The following XKR4 variants were observed in gnomAD, a reference collection of about 807,000 sequenced individuals.
XKR4 encodes the protein XK related 4, also known as XK-related protein 4.
Under a neutral mutation model 53.9 loss-of-function variants are expected in XKR4, and 12 were observed. That is an observed-to-expected ratio of 0.22 (90% CI 0.14 to 0.36). XKR4 has a LOEUF of 0.36. XKR4 is among the 10% of genes least tolerant of loss of function. The probability of loss-of-function intolerance (pLI) is 1.00; values close to 1 mark genes in which losing one functional copy is unlikely to be tolerated. For synonymous variants in XKR4, 354 were observed against 362.4 expected (o/e 0.98, Z 0.26); for missense variants, 799 against 859.5 (o/e 0.93, Z 0.88).
intron 2 of XKR4, chr8:55,454,445 C>T (rs1420366190): frequency 3.4e-6 from 4 of 1,192,110 alleles, no homozygotes; most frequent in East Asian, 5.1e-5. Flanking sequence ...CTGGTAGCTC[C>T]GGGACAGGAA....
intron 2 of XKR4, among the ~76,000 whole-genome samples, chr8:55,395,177 GAAGGA>G (rs1042929840): frequency 5.3e-5 from 8 of 152,108 alleles, no homozygotes; most frequent in Non-Finnish European, 8.8e-5. Flanking sequence ...GATTTTGGGA[GAAGGA>G]AAGGAAAGTT....
intron 1 of XKR4, among the ~76,000 whole-genome samples, chr8:55,217,135 G>A (rs1414395120): frequency 2.6e-5 from 4 of 151,082 alleles, no homozygotes; most frequent in Non-Finnish European, 4.4e-5. Flanking sequence ...CCAGCTACTC[G>A]GGAGGCTGAG....
rs1804908501 is a variant in XKR4 at position 55,420,382 on chromosome 8, A to C, written c.1006+62505A>C. Among the ~76,000 whole-genome samples, 5 of 152,166 alleles carry C rather than the reference A, an allele frequency of 3.3e-5. No individual in the cohort carries two copies. In the South Asian group the frequency reaches 1.0e-3, roughly 32 times the overall value. ...TTCACAATAGCAAAGACTTGGAACC[A>C]ACCCAAATGTCCAACAATGATAGAA... On this transcript the variant is annotated intron_variant, in intron 2 of 2. Transcript: ENST00000327381.
At chr8:55,416,811 C>T (rs1054578215) in intron 2 of XKR4, among the ~76,000 whole-genome samples, 15 of 152,162 alleles carry the variant, frequency 9.9e-5, no homozygotes, top group African/African-American at 2.9e-4. Flanking sequence ...GAATTTAAGC[C>T]GTATGCCCAA....
At chr8:55,375,555 C>G (rs1428525836) in intron 2 of XKR4, among the ~76,000 whole-genome samples, 2 of 152,174 alleles carry the variant, frequency 1.3e-5, no homozygotes, top group Non-Finnish European at 2.9e-5. Flanking sequence ...TGTCCTCTCA[C>G]CCAGGCTGCC....
intron 1 of XKR4, among the ~76,000 whole-genome samples, chr8:55,108,024 A>G (rs926355198): frequency 1.3e-5 from 2 of 152,216 alleles, no homozygotes; most frequent in Non-Finnish European, 2.9e-5. Context: ...GACCATCTCA[A>G]TAGAAGAAAA....
intron 1 of XKR4, among the ~76,000 whole-genome samples, chr8:55,274,997 T>C (rs1360160526): frequency 1.3e-5 from 2 of 152,202 alleles, no homozygotes; most frequent in African/African-American, 2.4e-5. Context: ...TCTTATTTCC[T>C]AGGAAAATAT....
intron 1 of XKR4, among the ~76,000 whole-genome samples, chr8:55,299,126 GTTTA>G (rs1459782451): frequency 2.0e-5 from 3 of 152,120 alleles, no homozygotes; most frequent in Non-Finnish European, 1.5e-5. Context: ...TCTGGAATAG[GTTTA>G]TTTCTCTTTC....
Position 55,534,141 on chromosome 8 carries a change from T to C in XKR4, c.*9914T>C, listed in dbSNP as rs749696766. ...ATTTCATTTCTTGAGACTACCATTG[T>C]CAGCATTGTAATAACCAATTTATAA... On this transcript the variant is annotated 3_prime_UTR_variant, in exon 3 of 3. Coordinates refer to ENST00000327381, the MANE Select transcript of XKR4 (RefSeq NM_052898.2). 2 of 152,154 alleles carry C rather than the reference T, an allele frequency of 1.3e-5. No individual in the cohort carries two copies. The highest frequency in any genetic ancestry group is 2.9e-5 in the Non-Finnish European group (2 of 68,028). The allele number at this position is 152,154 out of a possible 1,614,324, so 9.4% of individuals were successfully genotyped here. A position where few individuals can be genotyped will look rare whatever the true frequency, so the allele number is the denominator to read the frequency against.
At chr8:55,173,855 A>T (rs1044252493) in intron 1 of XKR4, among the ~76,000 whole-genome samples, 1 of 152,212 alleles carries the variant, frequency 6.6e-6, no homozygotes, top group Admixed American at 6.5e-5. Flanking sequence ...ATAATCATTT[A>T]CACACTTAGT....
At chr8:55,411,534 G>A (rs1050077025) in intron 2 of XKR4, among the ~76,000 whole-genome samples, 3 of 152,228 alleles carry the variant, frequency 2.0e-5, no homozygotes, top group Non-Finnish European at 4.4e-5. Flanking sequence ...AGAATGATGT[G>A]AGGTTGGAAT....
rs751152509 is a variant in XKR4, at chr8:55,443,530, TAAAAAAAAAAAAA to T, written c.1007-79737_1007-79725del. Among the ~76,000 whole-genome samples, 146 of 74,010 alleles carry T rather than the reference TAAAAAAAAAAAAA, an allele frequency of 2.0e-3. 3 individuals carry two copies. Among genetic ancestry groups the T allele is most frequent in the African/African-American group, 5.1e-3 (82 of 15,950 alleles). 48.6% of individuals were successfully genotyped at this position (74,010 alleles called of 152,430 possible). On this transcript the variant is annotated intron_variant, in intron 2 of 2. Transcript: ENST00000327381. ...TTTGTAGATTTATAATCAGTTACAT[TAAAAAAAAAAAAA>T]AAAAAAAAAAAAACAGAAGGAGGGG...
At chr8:55,487,735 C>A (rs1444552499) in intron 2 of XKR4, among the ~76,000 whole-genome samples, 1 of 152,200 alleles carries the variant, frequency 6.6e-6, no homozygotes, top group Non-Finnish European at 1.5e-5. Flanking sequence ...TCCCAAAGTG[C>A]TGGGATTGAT....
At chr8:55,167,082 C>T (rs1358918515) in intron 1 of XKR4, among the ~76,000 whole-genome samples, 1 of 152,150 alleles carries the variant, frequency 6.6e-6, no homozygotes, top group Non-Finnish European at 1.5e-5. Context: ...AAGGTAGTAG[C>T]ATCAGCAGAT....
intron 2 of XKR4, chr8:55,454,376 A>C (rs1024970236): frequency 2.7e-6 from 4 of 1,494,672 alleles, no homozygotes; most frequent in Non-Finnish European, 3.7e-6. Context: ...CACATAGGTG[A>C]AGCTGTATCT....
chr8:55,483,333 A>G (rs932414998), intron 2 of XKR4, among the ~76,000 whole-genome samples: 1 of 152,232 alleles, frequency 6.6e-6, no homozygotes, highest in African/African-American at 2.4e-5. Flanking sequence ...TTAGGAAATG[A>G]AAATAAAATG....
chr8:55,362,678 A>G (rs1013468815), intron 2 of XKR4, among the ~76,000 whole-genome samples: 1 of 152,198 alleles, frequency 6.6e-6, no homozygotes, highest in Non-Finnish European at 1.5e-5. Context: ...CAATGACCCC[A>G]AGAACCTGTA....
Position 55,530,268 on chromosome 8 carries a change from C to T in XKR4, c.*6041C>T, listed in dbSNP as rs1806932667. 6.6e-6 allele frequency: 1 copy of T among 152,042 alleles called. No homozygotes were observed. Among genetic ancestry groups the T allele is most frequent in the South Asian group, 2.1e-4 (1 of 4,832 alleles). 9.4% of individuals were successfully genotyped at this position (152,042 alleles called of 1,614,324 possible). A position where few individuals can be genotyped will look rare whatever the true frequency, so the allele number is the denominator to read the frequency against. ...TTATAAGGTAATTCTGTTTCACTGC[C>T]ATAATTTTTCCCTAAATTTTATTTA... On this transcript the variant is annotated 3_prime_UTR_variant, in exon 3 of 3. Transcript: ENST00000327381.
Position 55,538,266 on chromosome 8 carries a change from T to C in XKR4, c.*14039T>C, listed in dbSNP as rs746906626. ...CACCCTCAGCCTCATTTTCCCCATA[T>C]GCAAAAGAGAGATATTTATTTACCT... is the stretch of plus-strand genomic sequence containing the variant. On this transcript the variant is annotated 3_prime_UTR_variant, in exon 3 of 3. Transcript: ENST00000327381. The C allele has an allele frequency of 1.3e-5, 2 of 152,174 alleles. No individual in the cohort carries two copies. The highest frequency in any genetic ancestry group is 1.9e-4 in the East Asian group (1 of 5,190). The allele number at this position is 152,174 out of a possible 1,614,324, so 9.4% of individuals were successfully genotyped here.
Sources: gnomAD v4.1 joint callset for allele counts (sites outside exome capture counted in the v4.1 genomes callset) on GRCh38, gnomAD v4.1.1 for gene constraint, MANE v1.5 for transcripts, NCBI Gene and HGNC (gene_info 2026-07-23, HGNC 2026-07-21) for gene names.